Variants in PLPPR5 observed in about 807,000 individuals in gnomAD.
PLPPR5 encodes the protein phospholipid phosphatase related 5.
Under a neutral mutation model 33.9 loss-of-function variants are expected in PLPPR5, and 16 were observed. The ratio of observed to expected loss-of-function variants is 0.47; its 90% CI spans 0.32 to 0.72. PLPPR5 has a LOEUF of 0.72. PLPPR5 is among the 30% of genes least tolerant of loss of function. The pLI is 0.03. For missense variants in PLPPR5, 301 were observed against 406.7 expected (o/e 0.74, Z 2.23); for synonymous variants, 163 against 150.3 (o/e 1.08, Z -0.62).
intron 5 of PLPPR5, among the ~76,000 whole-genome samples, chr1:98,912,739 A>G (rs1324960578): frequency 6.6e-6 from 1 of 152,224 alleles, no homozygotes; most frequent in Non-Finnish European, 1.5e-5. Context: ...TTTTACCATT[A>G]TAATGAGGAT....
intron 3 of PLPPR5, among the ~76,000 whole-genome samples, chr1:98,939,126 A>T (rs1001685163): frequency 1.3e-5 from 2 of 151,832 alleles, no homozygotes; most frequent in Non-Finnish European, 2.9e-5. Context: ...AAATTAAAAT[A>T]AAATTAAAAA....
At chr1:98,935,739 C>A (rs768170091) in intron 3 of PLPPR5, among the ~76,000 whole-genome samples, 2 of 152,130 alleles carry the variant, frequency 1.3e-5, no homozygotes, top group Non-Finnish European at 2.9e-5. Context: ...TGGTTCCTTT[C>A]GTGTTCCTTA....
At chr1:99,005,171 G>C (rs1869936), upstream of PLPPR5, 96,232 of 151,324 alleles carry the variant, frequency 0.64, 31,411 homozygotes, top group South Asian at 0.76. Flanking sequence ...AAATCAAAAG[G>C]GGGGGAGGGG....
intron 2 of PLPPR5, among the ~76,000 whole-genome samples, chr1:98,955,014 G>C (rs1650949333): frequency 1.3e-5 from 2 of 152,064 alleles, no homozygotes; most frequent in South Asian, 4.1e-4. Flanking sequence ...TAATACTGTA[G>C]TTGACTACAA....
intron 5 of PLPPR5, among the ~76,000 whole-genome samples, chr1:98,905,133 A>T (rs1322192252): frequency 2.0e-5 from 3 of 152,130 alleles, no homozygotes; most frequent in African/African-American, 7.2e-5. Context: ...TAGGAATTAA[A>T]CTACTCACTT....
chr1:98,992,682 G>A (rs972573919), intron 1 of PLPPR5, among the ~76,000 whole-genome samples: 3 of 152,004 alleles, frequency 2.0e-5, no homozygotes, highest in African/African-American at 7.2e-5. Context: ...CCTGTCTTTT[G>A]CTACCTCTTC....
chr1:98,959,423 C>A (rs1651145490), intron 1 of PLPPR5, among the ~76,000 whole-genome samples: 2 of 152,190 alleles, frequency 1.3e-5, no homozygotes, highest in Admixed American at 6.5e-5. Context: ...AAGAAACCCA[C>A]TTGAACTATG....
chr1:98,935,759 T>TG (rs1411265094), intron 3 of PLPPR5, among the ~76,000 whole-genome samples: 1 of 152,192 alleles, frequency 6.6e-6, no homozygotes, highest in Non-Finnish European at 1.5e-5. Flanking sequence ...ATCTGGCAGG[T>TG]GCATGTTGAT....
Position 98,953,098 on chromosome 1 carries a change from A to T in PLPPR5, c.593T>A (p.Leu198His). 6.2e-7 allele frequency: 1 copy of T among 1,614,090 alleles called. No homozygotes were observed. The highest frequency in any genetic ancestry group is 8.5e-7 in the Non-Finnish European group (1 of 1,179,994). Residue 198 changes from leucine (L) to histidine (H), a missense_variant, in exon 3 of 6, where the codon CTC (leucine) becomes CAC (histidine). Transcript: ENST00000263177. ...RKTFPSKEAALSVYAAMYLTM... is the reference protein window; with the variant it reads ...RKTFPSKEAAHSVYAAMYLTM... ...CAGATACATAGCTGCATAGACACTGAGAGCTGCTTCTTTGGATGGAAAGGT... is the reference window on the plus strand; with the variant it reads ...CAGATACATAGCTGCATAGACACTGTGAGCTGCTTCTTTGGATGGAAAGGT...
intron 1 of PLPPR5, among the ~76,000 whole-genome samples, chr1:99,003,251 A>G (rs1182336853): frequency 2.0e-5 from 3 of 151,488 alleles, no homozygotes; most frequent in Non-Finnish European, 4.4e-5. Context: ...TGTGTTAGGA[A>G]CTTTTCATTA....
At chr1:98,980,044 A>C (rs1652000342) in intron 1 of PLPPR5, among the ~76,000 whole-genome samples, 1 of 151,926 alleles carries the variant, frequency 6.6e-6, no homozygotes, top group African/African-American at 2.4e-5. Flanking sequence ...TCCTAAATGC[A>C]CTACTGGTTT....
chr1:98,998,310 A>T (rs565500756), intron 1 of PLPPR5, among the ~76,000 whole-genome samples: 1 of 152,320 alleles, frequency 6.6e-6, no homozygotes, highest in East Asian at 1.9e-4. Flanking sequence ...CGGTTTGCAG[A>T]TCTAGAACCA....
intron 1 of PLPPR5, among the ~76,000 whole-genome samples, chr1:98,964,801 C>T (rs1651371178): frequency 6.6e-6 from 1 of 152,016 alleles, no homozygotes; most frequent in Non-Finnish European, 1.5e-5. Flanking sequence ...AGGGCTTTCA[C>T]TGCTTTATTT....
At chr1:98,907,324 C>T (rs2101104) in intron 5 of PLPPR5, among the ~76,000 whole-genome samples, 3 of 150,728 alleles carry the variant, frequency 2.0e-5, no homozygotes, top group African/African-American at 7.3e-5. Context: ...GCTTCAGCTT[C>T]CCAAGTAGCT....
chr1:98,982,876 G>A (rs1020213205), intron 1 of PLPPR5, among the ~76,000 whole-genome samples: 2 of 151,976 alleles, frequency 1.3e-5, no homozygotes, highest in East Asian at 1.9e-4. Context: ...GCATCAACCC[G>A]CTGTTTTTAT....
In PLPPR5 at chr1:98,956,513, A is replaced by G; in HGVS notation, c.370+96T>C. ...AACATTTCAAAGAAAAAAACCCCTAATATTTGCAAACAGTTAACATGTGGG... is the reference window on the plus strand; with the variant it reads ...AACATTTCAAAGAAAAAAACCCCTAGTATTTGCAAACAGTTAACATGTGGG... On this transcript the variant is annotated intron_variant, in intron 2 of 5. Transcript: ENST00000263177. 2.5e-6 allele frequency: 3 copies of G among 1,223,570 alleles called. No homozygotes were observed. In the South Asian group the frequency reaches 5.1e-5, roughly 21 times the overall value. 75.8% of individuals were successfully genotyped at this position (1,223,570 alleles called of 1,614,324 possible). A position where few individuals can be genotyped will look rare whatever the true frequency, so the allele number is the denominator to read the frequency against.
intron 5 of PLPPR5, among the ~76,000 whole-genome samples, chr1:98,905,059 T>A (rs780846777): frequency 1.2e-4 from 19 of 152,188 alleles, no homozygotes; most frequent in Non-Finnish European, 2.5e-4. Context: ...ATTCTTACGA[T>A]AGCCTTTCCG....
intron 1 of PLPPR5, among the ~76,000 whole-genome samples, chr1:99,000,266 T>A (rs1202185135): frequency 6.6e-6 from 1 of 152,214 alleles, no homozygotes; most frequent in Non-Finnish European, 1.5e-5. Flanking sequence ...TGAAGTAATA[T>A]TAGACAATGC....
chr1:98,986,056 C>T (rs553577296), intron 1 of PLPPR5, among the ~76,000 whole-genome samples: 1 of 152,068 alleles, frequency 6.6e-6, no homozygotes, highest in Admixed American at 6.6e-5. Context: ...TAAAAGTTTA[C>T]AAATGCACTT....
Sources: gnomAD v4.1 joint callset for allele counts (sites outside exome capture counted in the v4.1 genomes callset) on GRCh38, gnomAD v4.1.1 for gene constraint, MANE v1.5 for transcripts, NCBI Gene and HGNC (gene_info 2026-07-23, HGNC 2026-07-21) for gene names.